BRCC3: variants seen among roughly 807,000 people sequenced by gnomAD.
The protein encoded by BRCC3 is lys-63-specific deubiquitinase BRCC36.
Under a neutral mutation model 28.0 loss-of-function variants are expected in BRCC3, and 15 were observed. The observed-to-expected ratio is 0.54, with a 90% confidence interval of 0.36 to 0.82. The LOEUF is 0.82. Ranked by LOEUF, BRCC3 falls within the 40% of genes least tolerant of loss-of-function variation. BRCC3 has a pLI of 0.01. For missense variants in BRCC3, 109 were observed against 225.9 expected, an observed-to-expected ratio of 0.48 and a Z score of 3.32; for synonymous variants, 66 against 80.3, an observed-to-expected ratio of 0.82 and a Z score of 0.95.
chrX:155,098,805 C>T (rs1334210082), intron 7 of BRCC3, among the ~76,000 whole-genome samples: 1 of 112,388 alleles, frequency 8.9e-6, no homozygotes, highest in Non-Finnish European at 1.9e-5. Context: ...TCAGAATAAG[C>T]TTAAGTTGTG....
intron 3 of BRCC3, among the ~76,000 whole-genome samples, chrX:155,074,007 C>T (rs1230282108): frequency 1.8e-5 from 2 of 111,603 alleles, no homozygotes; most frequent in Non-Finnish European, 3.8e-5. Flanking sequence ...GAATTACTTC[C>T]CCTCCTCCCA....
At chrX:155,085,285 A>G (rs2074114792) in intron 5 of BRCC3, among the ~76,000 whole-genome samples, 1 of 112,786 alleles carries the variant, frequency 8.9e-6, no homozygotes, top group South Asian at 3.6e-4. Flanking sequence ...ATTTCATCAT[A>G]TTTCTTAGGA....
At chrX:155,108,621 AT>A (rs1248357996) in intron 7 of BRCC3, among the ~76,000 whole-genome samples, 1 of 112,167 alleles carries the variant, frequency 8.9e-6, no homozygotes, top group Non-Finnish European at 1.9e-5. Flanking sequence ...TGTGGTTTTA[AT>A]TTGGATTTCC....
chrX:155,093,462 A>G (rs1397465910), intron 7 of BRCC3, among the ~76,000 whole-genome samples: 1 of 109,254 alleles, frequency 9.2e-6, no homozygotes, highest in Non-Finnish European at 1.9e-5. Flanking sequence ...CTGTAAGGAA[A>G]GGAGGCTTTC....
chrX:155,110,320 G>A (rs1341419856), intron 7 of BRCC3, among the ~76,000 whole-genome samples: 1 of 111,266 alleles, frequency 9.0e-6, no homozygotes, highest in East Asian at 2.8e-4. Flanking sequence ...TAACAGATTA[G>A]CAATGTCAGT....
At chrX:155,107,173 T>G (rs2074289882) in intron 7 of BRCC3, among the ~76,000 whole-genome samples, 1 of 111,508 alleles carries the variant, frequency 9.0e-6, no homozygotes, top group Non-Finnish European at 1.9e-5. Context: ...GTCATTTTGT[T>G]GTGCTTATCT....
chrX:155,086,252 G>A (rs938313189), intron 5 of BRCC3, among the ~76,000 whole-genome samples: 2 of 111,303 alleles, frequency 1.8e-5, no homozygotes, highest in Admixed American at 1.9e-4. Context: ...AGGCATGTCC[G>A]AGAGAAAGCA....
In BRCC3 at chrX:155,087,500, G is replaced by C. The variant is rs150564982; in HGVS notation, c.404-1763G>C. Among the ~76,000 whole-genome samples, 428 of 112,115 alleles carry C rather than the reference G, an allele frequency of 3.8e-3. 3 individuals are homozygous for C. The highest frequency in any genetic ancestry group is 0.013 in the African/African-American group (406 of 30,818). The stretch of plus-strand genomic sequence containing the variant: ...CTGTCAGACGGCAACTTAGATCTAT[G>C]GTTCTGGAGTTCTGGGACTAGAGTT... On this transcript the variant is annotated intron_variant, in intron 5 of 10. Transcript: ENST00000330045.
intron 7 of BRCC3, among the ~76,000 whole-genome samples, chrX:155,095,996 A>G (rs1410226944): frequency 1.8e-5 from 2 of 112,113 alleles, no homozygotes; most frequent in African/African-American, 6.5e-5. Context: ...TTTTAATGAC[A>G]ATGAAGTTGC....
chrX:155,121,685 G>T lies in BRCC3; in HGVS notation c.*481G>T, dbSNP rs782253850. Reference sequence around the variant, plus strand: ...CAAGTTCTTGGACTTTGCCCCGAAAGCACATCCATAAAAGACAAAATCTGA... The same window carrying T: ...CAAGTTCTTGGACTTTGCCCCGAAATCACATCCATAAAAGACAAAATCTGA... On this transcript the variant is annotated 3_prime_UTR_variant, in exon 11 of 11. Transcript: ENST00000330045. The T allele has an allele frequency of 4.5e-5, 5 of 112,289 alleles. No individual in the cohort carries two copies. The highest frequency in any genetic ancestry group is 1.6e-4 in the African/African-American group (5 of 30,972). The allele number at this position is 112,289 out of a possible 1,213,427, so 9.3% of individuals were successfully genotyped here.
In BRCC3 at chrX:155,115,004, C is replaced by G. The variant is rs782056810; in HGVS notation, c.549-1053C>G. On this transcript the variant is annotated intron_variant, in intron 7 of 10. Transcript: ENST00000330045. ...ATATATTACAAATAGTGGAGAAATA[C>G]AATGATAAGAACGATGGCTGACTTC... Among the ~76,000 whole-genome samples, 5 of 111,502 alleles carry G rather than the reference C, an allele frequency of 4.5e-5. No individual in the cohort carries two copies. In the South Asian group the frequency reaches 1.9e-3, roughly 42 times the overall value.
intron 7 of BRCC3, chrX:155,099,441 T>C: frequency 8.4e-7 from 1 of 1,183,667 alleles, no homozygotes; most frequent in Non-Finnish European, 1.1e-6. Context: ...TTCCAATAAG[T>C]GACCTTCCCA....
At chrX:155,083,432 C>G (rs1227009244) in intron 5 of BRCC3, among the ~76,000 whole-genome samples, 1 of 112,224 alleles carries the variant, frequency 8.9e-6, no homozygotes, top group African/African-American at 3.2e-5. Flanking sequence ...TCTTGATTCA[C>G]CTACTTGTCA....
intron 7 of BRCC3, among the ~76,000 whole-genome samples, chrX:155,099,878 A>G (rs2074236403): frequency 9.0e-6 from 1 of 111,452 alleles, no homozygotes; most frequent in Non-Finnish European, 1.9e-5. Context: ...TATTTCTGCC[A>G]TTATGTTTTG....
intron 5 of BRCC3, among the ~76,000 whole-genome samples, chrX:155,082,401 G>A (rs782653575): frequency 8.9e-6 from 1 of 111,854 alleles, no homozygotes; most frequent in Non-Finnish European, 1.9e-5. Flanking sequence ...GAGCGTGGAG[G>A]GGACAGTGAA....
intron 7 of BRCC3, among the ~76,000 whole-genome samples, chrX:155,092,560 GT>G (rs1175219897): frequency 4.5e-5 from 5 of 111,282 alleles, no homozygotes; most frequent in African/African-American, 1.6e-4. Context: ...ATAGCTTTTT[GT>G]TTTTTACATG....
intron 7 of BRCC3, chrX:155,099,185 G>GT (rs372745437): frequency 0.13 from 69,612 of 518,573 alleles, no homozygotes; most frequent in East Asian, 0.16. Flanking sequence ...AATTAGAAAT[G>GT]TTTTTTTTTT....
chrX:155,095,446 G>A (rs782521065), intron 7 of BRCC3, among the ~76,000 whole-genome samples: 17 of 110,337 alleles, frequency 1.5e-4, no homozygotes, highest in Admixed American at 2.9e-4. Context: ...GATTACAGGC[G>A]TGCACCACCA....
At chrX:155,089,010 G>A (rs782330342) in intron 5 of BRCC3, among the ~76,000 whole-genome samples, 2 of 111,609 alleles carry the variant, frequency 1.8e-5, no homozygotes, top group Admixed American at 9.5e-5. Context: ...GCTACTCTTG[G>A]GCTAGGCAGG....
Sources: gnomAD v4.1 joint callset for allele counts (sites outside exome capture counted in the v4.1 genomes callset) on GRCh38, gnomAD v4.1.1 for gene constraint, MANE v1.5 for transcripts, NCBI Gene and HGNC (gene_info 2026-07-23, HGNC 2026-07-21) for gene names.